CALU: variants seen among roughly 807,000 people sequenced by gnomAD.
CALU encodes IEF SSP 9302.
A neutral mutation model predicts 37.5 loss-of-function variants in CALU; 13 were observed. That is an observed-to-expected ratio of 0.35 (90% CI 0.23 to 0.55). The LOEUF (loss-of-function observed/expected upper bound fraction) is 0.55, where lower values mean the gene tolerates loss of function less well. Among genes scored for constraint, CALU ranks in the 20% least tolerant of loss-of-function variants. The probability of loss-of-function intolerance (pLI) is 0.89; values close to 1 mark genes in which losing one functional copy is unlikely to be tolerated. For missense variants in CALU, 282 were observed against 391.7 expected, an observed-to-expected ratio of 0.72 and a Z score of 2.36; for synonymous variants, 114 against 133.8, an observed-to-expected ratio of 0.85 and a Z score of 1.02.
In CALU at chr7:128,747,071, TC is replaced by T. The variant is rs566717400; in HGVS notation, c.-11-1501del. Among the ~76,000 whole-genome samples, 312 of 152,256 alleles carry T rather than the reference TC, an allele frequency of 2.0e-3. 1 individual carries two copies. Among genetic ancestry groups the T allele is most frequent in the African/African-American group, 7.1e-3 (297 of 41,580 alleles). ...GCATGAGCCACTGCGCCCGGCCCAT[TC>T]TTTTTAACCTTTGTGTATTTTTCCA... On this transcript the variant is annotated intron_variant, in intron 1 of 6. Coordinates refer to ENST00000249364, the MANE Select transcript of CALU (RefSeq NM_001219.5).
chr7:128,768,303 T>A (rs745534597), intron 6 of CALU, among the ~76,000 whole-genome samples: 1 of 152,180 alleles, frequency 6.6e-6, no homozygotes, highest in Non-Finnish European at 1.5e-5. Flanking sequence ...GTTTTTTATT[T>A]TAGAGCCTTT....
Position 128,748,803 on chromosome 7 carries a change from G to C in CALU, c.220G>C (p.Gly74Arg), listed in dbSNP as rs746752086. The stretch of plus-strand genomic sequence containing the variant: ...ACCAGAAGAGAGCAAGGAAAGGCTT[G>C]GGTAAGGTACCACCTCTCAGGGGTC... ...LTPEESKERLGKIVSKIDGDK... is the reference protein window; with the variant it reads ...LTPEESKERLRKIVSKIDGDK... Residue 74 changes from glycine (G) to arginine (R), a missense_variant and splice_region_variant, in exon 2 of 7, where the codon GGA (glycine) becomes CGA (arginine). By Grantham distance (125) the Gly-to-Arg change is moderately radical. Coordinates refer to ENST00000249364, the MANE Select transcript of CALU (RefSeq NM_001219.5). The C allele has an allele frequency of 6.2e-7, 1 of 1,609,552 alleles. No individual in the cohort carries two copies. Among genetic ancestry groups the C allele is most frequent in the African/African-American group, 1.3e-5 (1 of 74,942 alleles).
At chr7:128,756,940 G>C (rs80003600) in intron 3 of CALU, among the ~76,000 whole-genome samples, 46 of 152,166 alleles carry the variant, frequency 3.0e-4, no homozygotes, top group African/African-American at 1.1e-3. Flanking sequence ...TTAGCCAGGA[G>C]TGGTAATACT....
At chr7:128,743,532 C>T (rs56184882) in intron 1 of CALU, among the ~76,000 whole-genome samples, 45,109 of 147,832 alleles carry the variant, frequency 0.31, 7,867 homozygotes, top group Non-Finnish European at 0.41. Context: ...TTTTCTTTTT[C>T]TTTTTTTGAG....
intron 1 of CALU, among the ~76,000 whole-genome samples, 165 bp downstream of exon 1, chr7:128,739,597 C>T (rs932104689): frequency 6.6e-6 from 1 of 152,012 alleles, no homozygotes; most frequent in Non-Finnish European, 1.5e-5. Context: ...TCCCGGGACC[C>T]TCTGTGTGCA....
intron 1 of CALU, chr7:128,748,166 A>G (rs1462902205): frequency 4.1e-6 from 2 of 491,116 alleles, no homozygotes; most frequent in Non-Finnish European, 7.1e-6. Flanking sequence ...ATAACCAGCC[A>G]TGTTTGAAGA....
chr7:128,747,454 T>C (rs1465829366), intron 1 of CALU: 1 of 151,566 alleles, frequency 6.6e-6, no homozygotes, highest in Non-Finnish European at 1.5e-5. Flanking sequence ...CCGCCCCCAT[T>C]ATCTCCTTAG....
Position 128,759,129 on chromosome 7 carries a change from A to T in CALU, c.582+92A>T, listed in dbSNP as rs146372050. On this transcript the variant is annotated intron_variant, in intron 4 of 6. Transcript: ENST00000249364. ...CCTTTAGCCTTATATAGCATATCTT[A>T]TATATATATATGCTATATAGCATAT... 837 of 694,344 alleles carry T rather than the reference A, an allele frequency of 1.2e-3. 7 individuals carry two copies. The African/African-American group carries it at 0.014, about 12-fold the overall frequency. 43.0% of individuals were successfully genotyped at this position (694,344 alleles called of 1,614,324 possible). A position where few individuals can be genotyped will look rare whatever the true frequency, so the allele number is the denominator to read the frequency against.
At chr7:128,748,882 A>T in intron 2 of CALU, 78 bp downstream of exon 2, 2 of 941,644 alleles carry the variant, frequency 2.1e-6, no homozygotes, top group Admixed American at 2.3e-5. Flanking sequence ...TTTCTGGCTC[A>T]GTTATGAGTA....
At chr7:128,763,749 C>G (rs1801214358) in intron 5 of CALU, among the ~76,000 whole-genome samples, 1 of 152,160 alleles carries the variant, frequency 6.6e-6, no homozygotes, top group African/African-American at 2.4e-5. Context: ...GGAACCTGAT[C>G]CAGTGGACCG....
intron 4 of CALU, 96 bp downstream of exon 4, chr7:128,759,133 A>G: frequency 1.2e-6 from 1 of 858,420 alleles, no homozygotes; most frequent in Non-Finnish European, 1.8e-6. Context: ...TATCTTATAT[A>G]TATATATGCT....
chr7:128,748,328 A>T, intron 1 of CALU: 1 of 1,459,020 alleles, frequency 6.9e-7, no homozygotes. Context: ...CATTTTAACT[A>T]TAAGTTTCTT....
At chr7:128,743,423 T>C (rs997575963) in intron 1 of CALU, among the ~76,000 whole-genome samples, 1 of 152,230 alleles carries the variant, frequency 6.6e-6, no homozygotes, top group Admixed American at 6.5e-5. Context: ...TATGGCCCAA[T>C]GGATACACAA....
intron 5 of CALU, among the ~76,000 whole-genome samples, chr7:128,766,060 G>A (rs905909831): frequency 4.6e-5 from 7 of 152,100 alleles, no homozygotes; most frequent in African/African-American, 9.7e-5. Flanking sequence ...GGGTTCAAGC[G>A]ATTCTCCTGC....
chr7:128,764,092 A>G (rs573106861), intron 5 of CALU, among the ~76,000 whole-genome samples: 1 of 152,298 alleles, frequency 6.6e-6, no homozygotes, highest in East Asian at 1.9e-4. Context: ...TAAAGTTGGC[A>G]TCTGAAATAT....
chr7:128,745,590 T>A (rs1800400970), intron 1 of CALU, among the ~76,000 whole-genome samples: 1 of 152,046 alleles, frequency 6.6e-6, no homozygotes, highest in African/African-American at 2.4e-5. Flanking sequence ...GGTGACAGAG[T>A]AAGACCCTGT....
In CALU at chr7:128,771,522, T is replaced by G. The variant is rs923031354; in HGVS notation, c.*2355T>G. ...ATTTTCCAAGAAATAGAACTCTAGC[T>G]TAGAATTATGGATGCTCTAAAATGT... On this transcript the variant is annotated 3_prime_UTR_variant, in exon 7 of 7. Coordinates refer to ENST00000249364, the MANE Select transcript of CALU (RefSeq NM_001219.5). 3.9e-5 allele frequency: 6 copies of G among 152,670 alleles called. No individual in the cohort carries two copies. Among genetic ancestry groups the G allele is most frequent in the African/African-American group, 1.2e-4 (5 of 41,456 alleles). The allele number at this position is 152,670 out of a possible 1,614,324, so 9.5% of individuals were successfully genotyped here. A position where few individuals can be genotyped will look rare whatever the true frequency, so the allele number is the denominator to read the frequency against.
At chr7:128,767,310 C>G (rs1585021391) in intron 5 of CALU, 146 bp from the exon 6 acceptor site, 1 of 652,562 alleles carries the variant, frequency 1.5e-6, no homozygotes, top group African/African-American at 1.8e-5. Flanking sequence ...ACCTTGCTTT[C>G]TAAGGTCTGT....
At chr7:128,760,640 G>A (rs1206677029) in intron 5 of CALU, among the ~76,000 whole-genome samples, 1 of 152,094 alleles carries the variant, frequency 6.6e-6, no homozygotes, top group Non-Finnish European at 1.5e-5. Context: ...TGGGCACGGT[G>A]GCTCACGCCT....
Sources: gnomAD v4.1 joint callset for allele counts (sites outside exome capture counted in the v4.1 genomes callset) on GRCh38, gnomAD v4.1.1 for gene constraint, MANE v1.5 for transcripts, NCBI Gene and HGNC (gene_info 2026-07-23, HGNC 2026-07-21) for gene names.